KLHL17: variants seen among roughly 807,000 people sequenced by gnomAD.
KLHL17 encodes the protein kelch-like protein 17.
Under a neutral mutation model 64.6 loss-of-function variants are expected in KLHL17, and 71 were observed. That is an observed-to-expected ratio of 1.10 (90% CI 0.91 to 1.34). The LOEUF (loss-of-function observed/expected upper bound fraction) is 1.34. Among genes scored for constraint, KLHL17 ranks in the 40% most tolerant of loss-of-function variants. The pLI is 0.00. For synonymous variants in KLHL17, 612 were observed against 405.4 expected (o/e 1.51, Z -6.12); for missense variants, 1,140 against 935.0 (o/e 1.22, Z -2.86).
rs1642870475 is a variant in KLHL17, at chr1:964,908, C to T, written c.1701-55C>T. 1.1e-5 allele frequency: 14 copies of T among 1,319,862 alleles called. 3 individuals are homozygous for T. In the South Asian group the frequency reaches 1.3e-4, roughly 13 times the overall value. The allele number at this position is 1,319,862 out of a possible 1,614,324, so 81.8% of individuals were successfully genotyped here. A position where few individuals can be genotyped will look rare whatever the true frequency, so the allele number is the denominator to read the frequency against. Reference sequence around the variant, plus strand: ...GCCACCACCCCTTTTTGTGGTGCAGCCCCTCCCCCCGCATCCCTTCCTGCA... The same window carrying T: ...GCCACCACCCCTTTTTGTGGTGCAGTCCCTCCCCCCGCATCCCTTCCTGCA... On this transcript the variant is annotated intron_variant, in intron 11 of 11. Coordinates refer to ENST00000338591, the MANE Select transcript of KLHL17 (RefSeq NM_198317.3).
At chr1:963,525 A>G (rs113146153) in intron 8 of KLHL17, 21 bp downstream of exon 8, 2 of 1,596,214 alleles carry the variant, frequency 1.3e-6, no homozygotes, top group Non-Finnish European at 8.5e-7. Flanking sequence ...TTGGGGCCCC[A>G]GTGGCTTTGT....
In KLHL17 at chr1:960,773, CGCCGCCTCCACCGCCGCA is replaced by C; in HGVS notation, c.87_104del (p.Pro30_Pro35del). On this transcript the variant is annotated inframe_deletion, in exon 1 of 12. Coordinates refer to ENST00000338591, the MANE Select transcript of KLHL17 (RefSeq NM_198317.3). The stretch of plus-strand genomic sequence containing the variant: ...AGCCCGGGGCCCGGGCCCGAGGCGC[CGCCGCCTCCACCGCCGCA>C]GCCGCCGGCGTGAGTGGGCGGGGGT... 2 of 1,120,512 alleles carry C rather than the reference CGCCGCCTCCACCGCCGCA, an allele frequency of 1.8e-6. No homozygotes were observed. The highest frequency in any genetic ancestry group is 8.6e-5 in the South Asian group (2 of 23,360). 69.4% of individuals were successfully genotyped at this position (1,120,512 alleles called of 1,614,324 possible).
At chr1:962,663 C>G in intron 5 of KLHL17, 41 bp from the exon 6 acceptor site, 1 of 1,548,066 alleles carries the variant, frequency 6.5e-7, no homozygotes, top group Non-Finnish European at 8.7e-7. Flanking sequence ...GCCCAGTGTG[C>G]CCGAGGGTCC....
Position 964,195 on chromosome 1 carries a change from C to G in KLHL17, c.1518+15C>G. On this transcript the variant is annotated intron_variant, in intron 10 of 11. Transcript: ENST00000338591. ...ATGAGCCCCAGGTGCATAGTGCACC[C>G]CTCCTGGCCACCCCCTCCCGTGCGC... 6.2e-7 allele frequency: 1 copy of G among 1,611,872 alleles called. No individual in the cohort carries two copies. The highest frequency in any genetic ancestry group is 8.5e-7 in the Non-Finnish European group (1 of 1,179,236).
rs374562863 is a variant in KLHL17, at chr1:961,528, C to T, written c.343C>T (p.Pro115Ser). 7.4e-6 allele frequency: 12 copies of T among 1,612,484 alleles called. No individual in the cohort carries two copies. The highest frequency in any genetic ancestry group is 1.7e-5 in the Admixed American group (1 of 60,004). The change falls in exon 2 of 12, where the codon CCC (proline) becomes TCC (serine). Residue 115 changes from proline to serine, a missense_variant. By Grantham distance (74) the Pro-to-Ser change is moderately conservative. Transcript: ENST00000338591. ...CAAAGTGGTGCTGGCCTCCTGCAGC[C>T]CCTACTTCCACGCCATGTTCACAAG... Reference protein sequence around the residue: ...AHKVVLASCSPYFHAMFTNEM... With the variant: ...AHKVVLASCSSYFHAMFTNEM...
chr1:964,919 G>C lies in KLHL17; in HGVS notation c.1701-44G>C, dbSNP rs373676718. 1.4e-6 allele frequency: 2 copies of C among 1,405,572 alleles called. 1 individual carries two copies. The highest frequency in any genetic ancestry group is 2.0e-6 in the Non-Finnish European group (2 of 1,019,222). 87.1% of individuals were successfully genotyped at this position (1,405,572 alleles called of 1,614,324 possible). On this transcript the variant is annotated intron_variant, in intron 11 of 11. Transcript: ENST00000338591. The stretch of plus-strand genomic sequence containing the variant: ...TTTTTGTGGTGCAGCCCCTCCCCCC[G>C]CATCCCTTCCTGCAGCCAGGGGCTC...
At chr1:962,141 C>T (rs775503307) in intron 4 of KLHL17, 94 bp downstream of exon 4, 15 of 1,326,418 alleles carry the variant, frequency 1.1e-5, no homozygotes, top group South Asian at 6.3e-5. Context: ...TGACACAGCC[C>T]TGCCCACAAT....
In KLHL17 at chr1:964,363, G is replaced by A. The variant is rs762575760; in HGVS notation, c.1533G>A (p.Ser511=). Residue 511 remains serine, a synonymous_variant, in exon 11 of 12, where the codon TCG becomes TCA. Coordinates refer to ENST00000338591, the MANE Select transcript of KLHL17 (RefSeq NM_198317.3). The part of the protein sequence containing the change: ...EKYEPQVNVW[S]PVASMLSRRS... ...CTCGCCCCCAGGTGAACGTGTGGTC[G>A]CCCGTGGCGTCCATGCTGAGCCGAC... 2.1e-5 allele frequency: 32 copies of A among 1,554,696 alleles called. No homozygotes were observed. Among genetic ancestry groups the A allele is most frequent in the African/African-American group, 2.7e-5 (2 of 73,150 alleles).
intron 5 of KLHL17, 85 bp downstream of exon 5, chr1:962,556 A>C: frequency 6.4e-7 from 1 of 1,563,382 alleles, no homozygotes; most frequent in Non-Finnish European, 8.7e-7. Flanking sequence ...ACCTTCCCCG[A>C]GTTCAGGGAC....
intron 11 of KLHL17, 49 bp downstream of exon 11, chr1:964,579 G>A (rs777516159): frequency 1.4e-6 from 2 of 1,405,682 alleles, no homozygotes; most frequent in African/African-American, 2.6e-5. Context: ...CAGTGGGGCT[G>A]TGGGAGGGGT....
intron 4 of KLHL17, 111 bp downstream of exon 4, chr1:962,158 T>C: frequency 7.9e-7 from 1 of 1,271,118 alleles, no homozygotes; most frequent in Non-Finnish European, 1.1e-6. Flanking sequence ...CAATCCTTAG[T>C]GCCTGCTGTG....
At position 960,776 on chromosome 1, in the gene KLHL17, C is replaced by T. The variant is rs1198262698; in HGVS notation, c.83C>T (p.Pro28Leu). ...GSPGPGPEAPPPPPPQPPAPE... is the reference protein window; with the variant it reads ...GSPGPGPEAPLPPPPQPPAPE... ...CCGGGGCCCGGGCCCGAGGCGCCGC[C>T]GCCTCCACCGCCGCAGCCGCCGGCG... Residue 28 changes from proline to leucine, a missense_variant, in exon 1 of 12, where the codon CCG becomes CTG. Transcript: ENST00000338591. The T allele has an allele frequency of 2.7e-6, 3 of 1,104,000 alleles. No homozygotes were observed. Among genetic ancestry groups the T allele is most frequent in the African/African-American group, 1.7e-5 (1 of 59,786 alleles). 68.4% of individuals were successfully genotyped at this position (1,104,000 alleles called of 1,614,324 possible). A position where few individuals can be genotyped will look rare whatever the true frequency, so the allele number is the denominator to read the frequency against.
chr1:961,153 T>C (rs1481913019), intron 1 of KLHL17, 140 bp from the exon 2 acceptor site: 5 of 503,656 alleles, frequency 9.9e-6, no homozygotes, highest in Admixed American at 5.2e-5. Flanking sequence ...CGGGGGTCCT[T>C]GGCGGAGGTC....
In KLHL17 at chr1:963,120, C is replaced by G. The variant is rs1293049836; in HGVS notation, c.1054C>G (p.Leu352Val). Residue 352 changes from leucine (L) to valine (V), a missense_variant, in exon 7 of 12, where the codon CTG (leucine) becomes GTG (valine). Physicochemically the swap from Leu to Val is conservative, Grantham distance 32. Coordinates refer to ENST00000338591, the MANE Select transcript of KLHL17 (RefSeq NM_198317.3). ...CCTGCCCTCCCCAGGCGGCGGGAGCCTGTTTGCCATCCACGGAGACTGTGA... is the reference window on the plus strand; with the variant it reads ...CCTGCCCTCCCCAGGCGGCGGGAGCGTGTTTGCCATCCACGGAGACTGTGA... ...PVLFAVGGGS[L>V]FAIHGDCEAY... 6.2e-7 allele frequency: 1 copy of G among 1,611,958 alleles called. No individual in the cohort carries two copies. Among genetic ancestry groups the G allele is most frequent in the Non-Finnish European group, 8.5e-7 (1 of 1,179,566 alleles).
rs1642910884 is a variant in KLHL17 at position 965,435 on chromosome 1, C to T, written c.*244C>T. 4 of 560,492 alleles carry T rather than the reference C, an allele frequency of 7.1e-6. No individual in the cohort carries two copies. Among genetic ancestry groups the T allele is most frequent in the South Asian group, 2.3e-5 (1 of 43,882 alleles). 34.7% of individuals were successfully genotyped at this position (560,492 alleles called of 1,614,324 possible). A position where few individuals can be genotyped will look rare whatever the true frequency, so the allele number is the denominator to read the frequency against. ...TCCCCTCCACTGCCTGCATGGGGGG[C>T]GCGGGGAGTGACCAGGCGGGGGCCT... On this transcript the variant is annotated 3_prime_UTR_variant, in exon 12 of 12. Transcript: ENST00000338591.
chr1:963,310 T>C, intron 7 of KLHL17, 27 bp from the exon 8 acceptor site: 1 of 1,602,024 alleles, frequency 6.2e-7, no homozygotes, highest in Non-Finnish European at 8.5e-7. Context: ...AGGCCAGTCT[T>C]GACCTGCAGT....
Position 960,644 on chromosome 1 carries a change from C to A in KLHL17, c.-50C>A. The A allele has an allele frequency of 7.6e-7, 1 of 1,312,036 alleles. No homozygotes were observed. The highest frequency in any genetic ancestry group is 3.7e-5 in the Admixed American group (1 of 26,808). 81.3% of individuals were successfully genotyped at this position (1,312,036 alleles called of 1,614,324 possible). On this transcript the variant is annotated 5_prime_UTR_variant, in exon 1 of 12. Transcript: ENST00000338591. ...AGCAGCCCTCCGGCAGTCTCCGCGT[C>A]CGTTAAGCCCGCGGGTCCTCCGCGA...
Position 962,490 on chromosome 1 carries a change from G to A in KLHL17, c.828+19G>A. 1 of 1,610,922 alleles carries A rather than the reference G, an allele frequency of 6.2e-7. No homozygotes were observed. The highest frequency in any genetic ancestry group is 8.5e-7 in the Non-Finnish European group (1 of 1,179,178). On this transcript the variant is annotated intron_variant, in intron 5 of 11. Coordinates refer to ENST00000338591, the MANE Select transcript of KLHL17 (RefSeq NM_198317.3). Reference sequence around the variant, plus strand: ...CCCACGGGTGAGGCGCGGCCGCGGGGGGCTCCCACAGCATCCAGGAGGGCA... The same window carrying A: ...CCCACGGGTGAGGCGCGGCCGCGGGAGGCTCCCACAGCATCCAGGAGGGCA...
Position 962,075 on chromosome 1 carries a change from CCCCCA to C in KLHL17, c.711+44_711+48del, listed in dbSNP as rs746771831. ...AACAGCTGGCGGGCCCAGCCCTCGC[CCCCCA>C]CCCCACCCCACCCCAGTCTTTGTCT... is the stretch of plus-strand genomic sequence containing the variant. On this transcript the variant is annotated intron_variant, in intron 4 of 11. Coordinates refer to ENST00000338591, the MANE Select transcript of KLHL17 (RefSeq NM_198317.3). The C allele has an allele frequency of 1.9e-4, 300 of 1,570,164 alleles. 1 individual carries two copies. The highest frequency in any genetic ancestry group is 5.2e-4 in the South Asian group (45 of 87,090).
Sources: allele counts gnomAD v4.1 joint callset, GRCh38; gene constraint gnomAD v4.1.1; transcripts MANE v1.5; gene names NCBI Gene and HGNC (gene_info 2026-07-23, HGNC 2026-07-21).